Variants in SMYD3 observed in about 807,000 individuals in gnomAD.
The protein encoded by SMYD3 is histone-lysine N-methyltransferase SMYD3.
A neutral mutation model predicts 57.7 loss-of-function variants in SMYD3; 36 were observed. The observed-to-expected ratio is 0.62, with a 90% CI of 0.48 to 0.82. The LOEUF is 0.82. Among genes scored for constraint, SMYD3 ranks in the 40% least tolerant of loss-of-function variants. The pLI is 0.00. For synonymous variants in SMYD3, 211 were observed against 195.0 expected (o/e 1.08, Z -0.68); for missense variants, 515 against 538.8 (o/e 0.96, Z 0.44).
chr1:246,503,700 C>T (rs914443455), intron 1 of SMYD3, among the ~76,000 whole-genome samples: 4 of 152,114 alleles, frequency 2.6e-5, no homozygotes, highest in African/African-American at 7.2e-5. Flanking sequence ...CAGCGGCTCA[C>T]GCCTGTAATC....
intron 10 of SMYD3, among the ~76,000 whole-genome samples, chr1:245,797,567 C>G (rs912824334): frequency 6.0e-5 from 9 of 151,232 alleles, no homozygotes; most frequent in Non-Finnish European, 8.8e-5. Flanking sequence ...GGAGATATAC[C>G]TAATGTAAAT....
At chr1:246,061,685 G>A (rs895485488) in intron 5 of SMYD3, among the ~76,000 whole-genome samples, 1 of 152,106 alleles carries the variant, frequency 6.6e-6, no homozygotes, top group Non-Finnish European at 1.5e-5. Flanking sequence ...ACGATCACAT[G>A]ACTGCACCCA....
At chr1:246,490,673 T>C (rs9628647) in intron 1 of SMYD3, among the ~76,000 whole-genome samples, 13,786 of 152,116 alleles carry the variant, frequency 0.091, 2,032 homozygotes, top group African/African-American at 0.31. Context: ...AGGAGATCAG[T>C]CTGGGCAACA....
chr1:246,228,149 T>C (rs2063357682), intron 5 of SMYD3, among the ~76,000 whole-genome samples: 2 of 152,148 alleles, frequency 1.3e-5, no homozygotes, highest in Admixed American at 1.3e-4. Context: ...TTTGTATTTT[T>C]AGTAGAGATG....
intron 5 of SMYD3, among the ~76,000 whole-genome samples, chr1:246,197,585 CAAAG>C (rs902216880): frequency 7.2e-6 from 1 of 138,528 alleles, no homozygotes; most frequent in Non-Finnish European, 1.5e-5. Flanking sequence ...TCATCAAAAA[CAAAG>C]AAAGTATGAA....
At chr1:246,433,012 A>C (rs1056828665) in intron 1 of SMYD3, among the ~76,000 whole-genome samples, 3 of 152,228 alleles carry the variant, frequency 2.0e-5, no homozygotes, top group Non-Finnish European at 4.4e-5. Flanking sequence ...GCATCCAAAC[A>C]GGAAAAGAAG....
intron 1 of SMYD3, among the ~76,000 whole-genome samples, chr1:246,383,465 A>T (rs888978760): frequency 3.9e-5 from 6 of 152,238 alleles, no homozygotes; most frequent in Non-Finnish European, 5.9e-5. Context: ...GGTGATTCAT[A>T]TTGCACTAAA....
At chr1:246,180,069 A>T (rs1253078656) in intron 5 of SMYD3, among the ~76,000 whole-genome samples, 1 of 151,890 alleles carries the variant, frequency 6.6e-6, no homozygotes, top group East Asian at 1.9e-4. Flanking sequence ...GCACTTTGGG[A>T]GGTCAAGGCA....
chr1:246,163,817 C>A (rs1376251242), intron 5 of SMYD3, among the ~76,000 whole-genome samples: 1 of 152,222 alleles, frequency 6.6e-6, no homozygotes, highest in African/African-American at 2.4e-5. Context: ...CTGCATACAA[C>A]TGAGTGTGCT....
At chr1:246,002,828 C>A (rs542712170) in intron 5 of SMYD3, among the ~76,000 whole-genome samples, 21 of 152,076 alleles carry the variant, frequency 1.4e-4, no homozygotes, top group Non-Finnish European at 2.5e-4. Flanking sequence ...TCGCTCACCG[C>A]AGCCTCGACC....
intron 5 of SMYD3, among the ~76,000 whole-genome samples, chr1:246,077,113 G>C (rs1432286055): frequency 6.6e-6 from 1 of 152,154 alleles, no homozygotes; most frequent in Admixed American, 6.5e-5. Context: ...AGTATGGCTG[G>C]AGCATACAGG....
chr1:245,851,095 A>G (rs956460829), intron 10 of SMYD3, among the ~76,000 whole-genome samples: 9 of 152,160 alleles, frequency 5.9e-5, no homozygotes, highest in African/African-American at 1.9e-4. Flanking sequence ...TAAGTACTTG[A>G]TCCACTGCAG....
chr1:246,065,918 TTTC>T (rs1176934988), intron 5 of SMYD3, among the ~76,000 whole-genome samples: 1 of 152,220 alleles, frequency 6.6e-6, no homozygotes, highest in Non-Finnish European at 1.5e-5. Flanking sequence ...ATGAGACTTT[TTTC>T]TTCTTTAATC....
rs192533890 is a variant in SMYD3 at position 245,982,541 on chromosome 1, T to C, written c.532-52604A>G. Among the ~76,000 whole-genome samples, 19 of 152,350 alleles carry C rather than the reference T, an allele frequency of 1.2e-4. No homozygotes were observed. In the East Asian group the frequency reaches 3.5e-3, roughly 28 times the overall value. ...TAATATAATAGTAAAGGCTCACTTA[T>C]AGGCTAAATACTTCCATCAAATAAA... On this transcript the variant is annotated intron_variant, in intron 5 of 11. Coordinates refer to ENST00000490107, the MANE Select transcript of SMYD3 (RefSeq NM_001167740.2).
rs56722969 is a variant in SMYD3, at chr1:246,116,201, G to GACACACAC, written c.532-186272_532-186265dup. ...CCTATACCTCAAGCACCCTGAGATG[G>GACACACAC]ACACACACACACACACACACACACA... On this transcript the variant is annotated intron_variant, in intron 5 of 11. Transcript: ENST00000490107. 7.7e-3 allele frequency among the ~76,000 whole-genome samples: 1,119 copies of GACACACAC among 145,988 alleles called. 14 individuals carry two copies. The highest frequency in any genetic ancestry group is 0.018 in the Middle Eastern group (5 of 276).
chr1:246,418,429 G>T (rs2067095515), intron 1 of SMYD3, among the ~76,000 whole-genome samples: 1 of 152,198 alleles, frequency 6.6e-6, no homozygotes, highest in East Asian at 1.9e-4. Flanking sequence ...GTCTAGAGGT[G>T]TATGTTTACA....
chr1:245,983,314 A>T (rs1487356704), intron 5 of SMYD3, among the ~76,000 whole-genome samples: 2 of 152,232 alleles, frequency 1.3e-5, no homozygotes, highest in Non-Finnish European at 2.9e-5. Flanking sequence ...GACTAGTTAC[A>T]GCAAATTCAT....
intron 8 of SMYD3, among the ~76,000 whole-genome samples, chr1:245,914,776 T>C (rs1444533356): frequency 1.3e-5 from 2 of 152,172 alleles, no homozygotes; most frequent in South Asian, 2.1e-4. Flanking sequence ...ATGATAAATA[T>C]ATGAGGTGAC....
chr1:246,284,486 G>A (rs533369673), intron 5 of SMYD3, among the ~76,000 whole-genome samples: 8 of 150,312 alleles, frequency 5.3e-5, no homozygotes, highest in Admixed American at 2.7e-4. Flanking sequence ...GCTTGATCTC[G>A]GCTCACTGCA....
Sources: gnomAD v4.1 joint callset for allele counts (sites outside exome capture counted in the v4.1 genomes callset) on GRCh38, gnomAD v4.1.1 for gene constraint, MANE v1.5 for transcripts, NCBI Gene and HGNC (gene_info 2026-07-23, HGNC 2026-07-21) for gene names.